MRTFB: variants seen among roughly 807,000 people sequenced by gnomAD.
MRTFB encodes myocardin-related transcription factor B.
A neutral mutation model predicts 104.2 loss-of-function variants in MRTFB; 29 were observed. The observed-to-expected ratio is 0.28, with a 90% CI of 0.21 to 0.38. The LOEUF (loss-of-function observed/expected upper bound fraction) is 0.38. Among genes scored for constraint, MRTFB ranks in the 10% least tolerant of loss-of-function variants. The pLI, the probability that MRTFB is intolerant of heterozygous loss-of-function variation, is 1.00. For synonymous variants in MRTFB, 535 were observed against 519.5 expected (o/e 1.03, Z -0.41); for missense variants, 1,270 against 1,341.6 (o/e 0.95, Z 0.83).
the MRTFB span, among the ~76,000 whole-genome samples, chr16:14,031,760 T>C: frequency 6.6e-6 from 1 of 152,126 alleles, no homozygotes; most frequent in South Asian, 2.1e-4. Flanking sequence ...AAGGTGTCAT[T>C]CATAACAAGG....
At chr16:14,215,018 T>A (rs146813307) in intron 6 of MRTFB, 5 of 152,308 alleles carry the variant, frequency 3.3e-5, no homozygotes, top group African/African-American at 1.2e-4. Context: ...AGAAGCAAGT[T>A]TACTGGTAAG....
the MRTFB span, among the ~76,000 whole-genome samples, chr16:14,026,723 T>C: frequency 6.6e-6 from 1 of 152,006 alleles, no homozygotes; most frequent in Non-Finnish European, 1.5e-5. Flanking sequence ...AGAAATCCAA[T>C]TAGAAAATGG....
chr16:14,136,574 T>C (rs1224528281), intron 2 of MRTFB, among the ~76,000 whole-genome samples: 2 of 152,114 alleles, frequency 1.3e-5, no homozygotes, highest in African/African-American at 2.4e-5. Flanking sequence ...TATTATCATA[T>C]TGTGAGGAGA....
In MRTFB at chr16:14,252,877, A is replaced by C. The variant is rs181386932; in HGVS notation, c.2703+375A>C. ...GGCCAGCATCAAAATGACACATGGT[A>C]TCACTGTTACACCTGGCTGACATTC... On this transcript the variant is annotated intron_variant, in intron 15 of 16. Transcript: ENST00000571589. Among the ~76,000 whole-genome samples, 18 of 152,286 alleles carry C rather than the reference A, an allele frequency of 1.2e-4. No homozygotes were observed. The East Asian group carries it at 3.5e-3, about 29-fold the overall frequency.
At chr16:13,996,698 G>T in the MRTFB span, among the ~76,000 whole-genome samples, 1 of 152,184 alleles carries the variant, frequency 6.6e-6, no homozygotes, top group Non-Finnish European at 1.5e-5. Context: ...GTGAGACAAA[G>T]GTCAAGGGGC....
At chr16:14,252,946 C>A (rs913927865) in intron 15 of MRTFB, among the ~76,000 whole-genome samples, 1 of 152,188 alleles carries the variant, frequency 6.6e-6, no homozygotes, top group African/African-American at 2.4e-5. Context: ...CTCTGGTCTC[C>A]AGCAACCTCT....
chr16:14,046,437 A>G, the MRTFB span, among the ~76,000 whole-genome samples: 44 of 152,210 alleles, frequency 2.9e-4, no homozygotes, highest in African/African-American at 1.0e-3. Context: ...ATAAACTCCA[A>G]TTGACCTCTG....
chr16:14,018,009 A>T, the MRTFB span, among the ~76,000 whole-genome samples: 1 of 152,004 alleles, frequency 6.6e-6, no homozygotes, highest in Non-Finnish European at 1.5e-5. Context: ...GGCATGAGTC[A>T]CTGTACTTGG....
chr16:14,253,673 A>G (rs1331151953), intron 15 of MRTFB, among the ~76,000 whole-genome samples: 12 of 152,178 alleles, frequency 7.9e-5, no homozygotes, highest in Admixed American at 7.8e-4. Context: ...CACCCTCACC[A>G]AGGACATCCA....
chr16:14,090,821 AAGTG>A (rs1356588471), intron 2 of MRTFB, among the ~76,000 whole-genome samples: 1 of 152,016 alleles, frequency 6.6e-6, no homozygotes, highest in Non-Finnish European at 1.5e-5. Context: ...TGATGCCTAA[AAGTG>A]AGCCCAAAGA....
chr16:14,091,834 A>C (rs2035086105), intron 2 of MRTFB, among the ~76,000 whole-genome samples: 1 of 151,960 alleles, frequency 6.6e-6, no homozygotes, highest in Non-Finnish European at 1.5e-5. Flanking sequence ...GTCTCTACTA[A>C]AAATACAAAA....
the MRTFB span, among the ~76,000 whole-genome samples, chr16:14,064,407 A>G: frequency 6.6e-6 from 1 of 152,054 alleles, no homozygotes; most frequent in Non-Finnish European, 1.5e-5. Context: ...ATTTTCTCCC[A>G]TTGTGTGGTT....
At position 14,252,461 on chromosome 16, in the gene MRTFB, G is replaced by A. The variant is rs778188477; in HGVS notation, c.2662G>A (p.Ala888Thr). 1.2e-6 allele frequency: 2 copies of A among 1,613,760 alleles called. No homozygotes were observed. Among genetic ancestry groups the A allele is most frequent in the African/African-American group, 2.7e-5 (2 of 74,810 alleles). Residue 888 changes from alanine (A) to threonine (T), a missense_variant, in exon 15 of 17, where the codon GCC becomes ACC. By Grantham distance (58) the Ala-to-Thr change is moderately conservative (BLOSUM62 0). This residue lies in a region of MRTFB where 1,144 missense variants were observed against 1,131.5 expected (regional missense o/e 1.01). Transcript: ENST00000571589. The stretch of plus-strand genomic sequence containing the variant: ...AAAAGATCCCCCCCGCTATGAGGAG[G>A]CCATCAAGCAGACACGCAGCACACA... ...KTKDPPRYEE[A>T]IKQTRSTQAP... is the part of the protein sequence containing the mutation.
chr16:14,209,679 C>A (rs564429541), intron 3 of MRTFB, among the ~76,000 whole-genome samples: 25 of 152,106 alleles, frequency 1.6e-4, no homozygotes, highest in African/African-American at 5.8e-4. Flanking sequence ...TTTCTTAGAA[C>A]TTATAGAGTG....
chr16:14,259,070 A>T (rs904820914), intron 16 of MRTFB, among the ~76,000 whole-genome samples: 1 of 98,466 alleles, frequency 1.0e-5, no homozygotes, highest in Admixed American at 1.0e-4. Flanking sequence ...GACATAGAGA[A>T]TTGATATTTG....
chr16:14,011,316 A>G, the MRTFB span, among the ~76,000 whole-genome samples: 1 of 152,224 alleles, frequency 6.6e-6, no homozygotes, highest in African/African-American at 2.4e-5. Context: ...CATCATGGGC[A>G]AGTCACTTCA....
chr16:14,160,457 G>A (rs1467908126), intron 3 of MRTFB, among the ~76,000 whole-genome samples: 1 of 152,074 alleles, frequency 6.6e-6, no homozygotes, highest in Non-Finnish European at 1.5e-5. Context: ...TGGTTAAGGT[G>A]GCATTACCCT....
intron 2 of MRTFB, among the ~76,000 whole-genome samples, chr16:14,134,371 A>G: frequency 6.6e-6 from 1 of 152,372 alleles, no homozygotes; most frequent in Admixed American, 6.5e-5. Flanking sequence ...TAACCTAGCA[A>G]CAAAAAGATG....
At chr16:14,112,466 G>T (rs978343694) in intron 2 of MRTFB, among the ~76,000 whole-genome samples, 1 of 152,206 alleles carries the variant, frequency 6.6e-6, no homozygotes, top group East Asian at 1.9e-4. Flanking sequence ...GAGCTGGCTC[G>T]CCTCCAAGCC....
Sources: gnomAD v4.1 joint callset for allele counts (sites outside exome capture counted in the v4.1 genomes callset) on GRCh38, gnomAD v4.1.1 for gene constraint, gnomAD v4.1.1 regional missense constraint, MANE v1.5 for transcripts, NCBI Gene and HGNC (gene_info 2026-07-23, HGNC 2026-07-21) for gene names.